Variants in MAGI1 observed in about 807,000 individuals in gnomAD.
MAGI1 encodes the protein membrane associated guanylate kinase, WW and PDZ domain containing 1.
A neutral mutation model predicts 139.9 loss-of-function variants in MAGI1; 58 were observed. The observed-to-expected ratio is 0.41, with a 90% confidence interval of 0.34 to 0.52. The LOEUF is 0.52. Among genes scored for constraint, MAGI1 ranks in the 20% least tolerant of loss-of-function variants. The pLI, the probability that MAGI1 is intolerant of heterozygous loss-of-function variation, is 0.12. For missense variants in MAGI1, 1,874 were observed against 1,901.6 expected (o/e 0.99, Z 0.27); for synonymous variants, 812 against 737.9 (o/e 1.10, Z -1.63).
intron 1 of MAGI1, among the ~76,000 whole-genome samples, chr3:65,784,661 C>T (rs1462148797): frequency 1.3e-5 from 2 of 151,730 alleles, no homozygotes; most frequent in Admixed American, 6.6e-5. Flanking sequence ...GCCGAGATCG[C>T]GCCACTGCAC....
intron 4 of MAGI1, among the ~76,000 whole-genome samples, chr3:65,473,839 T>C (rs570736626): frequency 1.6e-4 from 24 of 152,176 alleles, no homozygotes; most frequent in Non-Finnish European, 2.8e-4. Flanking sequence ...TCTTCTCAGC[T>C]CAACAGAATC....
At chr3:65,931,763 G>A (rs61046482) in intron 1 of MAGI1, among the ~76,000 whole-genome samples, 3,293 of 152,274 alleles carry the variant, frequency 0.022, 81 homozygotes, top group African/African-American at 0.061. Flanking sequence ...TGTGGCATAT[G>A]AAAACCTGCC....
At chr3:65,545,177 A>G (rs1405856866) in intron 2 of MAGI1, among the ~76,000 whole-genome samples, 1 of 152,184 alleles carries the variant, frequency 6.6e-6, no homozygotes, top group Admixed American at 6.5e-5. Flanking sequence ...TGACAAACCC[A>G]TGAGAAAGCA....
In MAGI1 at chr3:65,379,491, G is replaced by T; in HGVS notation, c.2765C>A (p.Ala922Asp). 6.2e-7 allele frequency: 1 copy of T among 1,613,936 alleles called. No homozygotes were observed. Among genetic ancestry groups the T allele is most frequent in the Non-Finnish European group, 8.5e-7 (1 of 1,179,900 alleles). The part of the protein sequence containing the change: ...ASSHHSSNQP[A>D]SLTEEKRTPQ... ...AGTGCGCTTCTCTTCTGTCAGCGAG[G>T]CCGGCTGGTTGCTACTGTGATGAGA... Residue 922 changes from alanine (A) to aspartate (D), a missense_variant, in exon 17 of 23, where the codon GCC becomes GAC. Physicochemically the swap from Ala to Asp is moderately radical, Grantham distance 126. Coordinates refer to ENST00000402939, the MANE Select transcript of MAGI1 (RefSeq NM_001033057.2).
intron 1 of MAGI1, among the ~76,000 whole-genome samples, chr3:65,999,168 T>C (rs188862917): frequency 6.6e-5 from 10 of 152,270 alleles, no homozygotes; most frequent in African/African-American, 1.9e-4. Context: ...CTATCAGCCA[T>C]CCCTTAGGTA....
chr3:65,740,158 TAAC>T (rs1361490448), intron 1 of MAGI1, among the ~76,000 whole-genome samples: 4 of 152,162 alleles, frequency 2.6e-5, no homozygotes. Context: ...CACAGAAACA[TAAC>T]AACCCATATT....
chr3:65,595,806 C>CTGGGGTGGG (rs2082163826), intron 2 of MAGI1, among the ~76,000 whole-genome samples: 1 of 10,572 alleles, frequency 9.5e-5, no homozygotes, highest in African/African-American at 3.9e-4. Context: ...TTTTAACTCT[C>CTGGGGTGGG]TGGGGTGGGT....
intron 1 of MAGI1, among the ~76,000 whole-genome samples, chr3:65,810,498 A>G (rs1352894285): frequency 6.6e-6 from 1 of 152,254 alleles, no homozygotes; most frequent in Non-Finnish European, 1.5e-5. Context: ...TGCTCCAGAC[A>G]AGAAACTCGT....
chr3:65,411,153 G>C (rs1945765232), intron 12 of MAGI1, among the ~76,000 whole-genome samples: 1 of 152,088 alleles, frequency 6.6e-6, no homozygotes, highest in Admixed American at 6.6e-5. Flanking sequence ...AATTAAGCTA[G>C]TTTCTCATAT....
chr3:65,394,219 T>C (rs1944196198), intron 13 of MAGI1, among the ~76,000 whole-genome samples: 1 of 152,190 alleles, frequency 6.6e-6, no homozygotes, highest in African/African-American at 2.4e-5. Flanking sequence ...CTGGAAATGC[T>C]TGGGCCATTT....
At chr3:65,461,857 G>T (rs959158140) in intron 5 of MAGI1, among the ~76,000 whole-genome samples, 1 of 152,110 alleles carries the variant, frequency 6.6e-6, no homozygotes, top group African/African-American at 2.4e-5. Context: ...GTTTTGATTT[G>T]CATTCCTCTA....
At chr3:65,559,056 A>G (rs1314119361) in intron 2 of MAGI1, among the ~76,000 whole-genome samples, 2 of 152,202 alleles carry the variant, frequency 1.3e-5, no homozygotes, top group Non-Finnish European at 2.9e-5. Context: ...CAATAGGTGA[A>G]GTTTAAAAAA....
intron 2 of MAGI1, chr3:65,609,984 A>G (rs13326933): frequency 1.4e-5 from 2 of 148,034 alleles, no homozygotes; most frequent in Admixed American, 6.8e-5. Flanking sequence ...AAGAGAAAGA[A>G]ACTTTGATGT....
intron 2 of MAGI1, among the ~76,000 whole-genome samples, chr3:65,528,432 A>T (rs532533459): frequency 3.3e-5 from 5 of 152,320 alleles, no homozygotes; most frequent in Non-Finnish European, 7.3e-5. Flanking sequence ...ACTAGGGCCT[A>T]AAGTCACCAT....
intron 1 of MAGI1, among the ~76,000 whole-genome samples, chr3:66,029,971 G>A (rs2068506261): frequency 1.3e-5 from 2 of 152,064 alleles, no homozygotes; most frequent in African/African-American, 2.4e-5. Flanking sequence ...CTGAAAATCA[G>A]GACACTCAAT....
intron 1 of MAGI1, among the ~76,000 whole-genome samples, chr3:65,781,109 T>C (rs2108007123): frequency 6.6e-6 from 1 of 152,134 alleles, no homozygotes; most frequent in Admixed American, 6.5e-5. Context: ...GGCAGGAGAA[T>C]TGCTGGAATC....
chr3:65,587,620 A>C (rs2081753580), intron 2 of MAGI1, among the ~76,000 whole-genome samples: 1 of 151,274 alleles, frequency 6.6e-6, no homozygotes, highest in South Asian at 2.1e-4. Context: ...AGCTAGGACT[A>C]CAGGCACATG....
At chr3:65,469,456 G>T (rs547003480) in intron 5 of MAGI1, among the ~76,000 whole-genome samples, 1 of 150,750 alleles carries the variant, frequency 6.6e-6, no homozygotes, top group Non-Finnish European at 1.5e-5. Context: ...CATTATCTTA[G>T]ATTTTCCAGA....
intron 2 of MAGI1, among the ~76,000 whole-genome samples, chr3:65,510,645 G>A (rs1276877595): frequency 4.5e-4 from 37 of 81,394 alleles, no homozygotes; most frequent in South Asian, 4.1e-3. Flanking sequence ...CAAGAAATAT[G>A]GGACTATGTG....
Sources: allele counts gnomAD v4.1 joint callset (sites outside exome capture counted in the v4.1 genomes callset), GRCh38; gene constraint gnomAD v4.1.1; transcripts MANE v1.5; gene names NCBI Gene and HGNC (gene_info 2026-07-23, HGNC 2026-07-21).